DIXDC1: variants seen among roughly 807,000 people sequenced by gnomAD.
The protein encoded by DIXDC1 is dixin.
A neutral mutation model predicts 103.1 loss-of-function variants in DIXDC1; 64 were observed. The observed-to-expected ratio is 0.62, with a 90% CI of 0.51 to 0.76. The LOEUF (loss-of-function observed/expected upper bound fraction) is 0.76. DIXDC1 is among the 30% of genes least tolerant of loss of function. DIXDC1 has a pLI of 0.00. For missense variants in DIXDC1, 759 were observed against 834.2 expected (o/e 0.91, Z 1.11); for synonymous variants, 266 against 298.5 (o/e 0.89, Z 1.12).
chr11:112,015,150 G>A (rs1861547991), intron 17 of DIXDC1, among the ~76,000 whole-genome samples: 1 of 152,190 alleles, frequency 6.6e-6, no homozygotes, highest in Admixed American at 6.5e-5. Flanking sequence ...CTCCCAAAGT[G>A]CTAGGATTAC....
Position 111,964,583 on chromosome 11 carries a change from C to A in DIXDC1, c.95C>A (p.Ala32Glu), listed in dbSNP as rs114492987. 6.2e-7 allele frequency: 1 copy of A among 1,609,130 alleles called. No individual in the cohort carries two copies. The highest frequency in any genetic ancestry group is 1.7e-5 in the Admixed American group (1 of 59,174). Residue 32 changes from alanine to glutamate, a missense_variant, in exon 2 of 20, where the codon GCA (alanine) becomes GAA (glutamate). Ala to Glu is a moderately radical substitution (Grantham distance 107). Transcript: ENST00000440460. ...CAGGCCTATGTGGCCTGGGTGAATG[C>A]ACAGCTGAAGAAGAGGCCAGCAGTG... ...QLQAYVAWVN[A>E]QLKKRPAVKP...
Position 112,017,495 on chromosome 11 carries a change from G to GGACTTTATA in DIXDC1, c.1863-281_1863-273dup, listed in dbSNP as rs1861629938. 4.7e-6 allele frequency: 1 copy of GGACTTTATA among 214,442 alleles called. No homozygotes were observed. Among genetic ancestry groups the GGACTTTATA allele is most frequent in the Non-Finnish European group, 9.3e-6 (1 of 107,690 alleles). 13.3% of individuals were successfully genotyped at this position (214,442 alleles called of 1,614,324 possible). A position where few individuals can be genotyped will look rare whatever the true frequency, so the allele number is the denominator to read the frequency against. On this transcript the variant is annotated intron_variant, in intron 18 of 19. Coordinates refer to ENST00000440460, the MANE Select transcript of DIXDC1 (RefSeq NM_001037954.4). This position sits in a 1 kb window ranked among gnomAD's most constrained non-coding sequence, Gnocchi z 4.0. ...GGTTATTCAACAAATTTTATTTCAG[G>GGACTTTATA]GACTTTATATCTTATTTCCAGAGAA... is the stretch of plus-strand genomic sequence containing the variant.
intron 17 of DIXDC1, among the ~76,000 whole-genome samples, chr11:112,000,216 T>C (rs1861024268): frequency 6.6e-6 from 1 of 152,012 alleles, no homozygotes; most frequent in African/African-American, 2.4e-5. Flanking sequence ...CTTTTGTGTA[T>C]AAAAGAACAC....
Position 111,995,100 on chromosome 11 carries a change from A to G in DIXDC1, c.1519A>G (p.Asn507Asp). The G allele has an allele frequency of 1.2e-6, 2 of 1,613,638 alleles. No individual in the cohort carries two copies. Among genetic ancestry groups the G allele is most frequent in the South Asian group, 1.1e-5 (1 of 91,084 alleles). Reference protein sequence around the residue: ...TAGKGATSVSNRGTSDLQLVR... With the variant: ...TAGKGATSVSDRGTSDLQLVR... ...AGGAAAAGGAGCTACTTCAGTCAGCAACAGAGGGGTACGTACCTGGAGTTT... is the reference window on the plus strand; with the variant it reads ...AGGAAAAGGAGCTACTTCAGTCAGCGACAGAGGGGTACGTACCTGGAGTTT... Residue 507 changes from asparagine (N) to aspartate (D), a missense_variant, in exon 15 of 20, where the codon AAC (asparagine) becomes GAC (aspartate). This residue lies in a region of DIXDC1 where 657 missense variants were observed against 727.5 expected (regional missense o/e 0.90). Coordinates refer to ENST00000440460, the MANE Select transcript of DIXDC1 (RefSeq NM_001037954.4).
intron 17 of DIXDC1, among the ~76,000 whole-genome samples, chr11:112,012,366 A>G (rs1029108980): frequency 3.3e-5 from 5 of 152,224 alleles, no homozygotes; most frequent in African/African-American, 1.2e-4. Flanking sequence ...GTGAATTGGT[A>G]GATACATAGA....
intron 1 of DIXDC1, among the ~76,000 whole-genome samples, chr11:111,942,964 A>C (rs371530615): frequency 6.6e-6 from 1 of 152,298 alleles, no homozygotes; most frequent in African/African-American, 2.4e-5. Context: ...GAACACAAGC[A>C]CTGCGATACC....
intron 15 of DIXDC1, 97 bp downstream of exon 15, chr11:111,995,205 G>T (rs2137587431): frequency 7.2e-7 from 1 of 1,383,992 alleles, no homozygotes; most frequent in Non-Finnish European, 1.0e-6. Context: ...TTATATTCCA[G>T]TTCCCTAATT....
intron 1 of DIXDC1, 56 bp from the exon 2 acceptor site, chr11:111,964,493 G>T: frequency 6.4e-7 from 1 of 1,550,506 alleles, no homozygotes; most frequent in Admixed American, 2.0e-5. Flanking sequence ...AGGGTATGAG[G>T]TAAGGGTTGA....
At chr11:111,970,655 C>A (rs189043777) in intron 3 of DIXDC1, among the ~76,000 whole-genome samples, 1 of 144,720 alleles carries the variant, frequency 6.9e-6, no homozygotes, top group African/African-American at 2.5e-5. Context: ...GAGCGAAACT[C>A]TATCTCAAAA....
Position 112,013,108 on chromosome 11 carries a change from G to C in DIXDC1, c.1757-3583G>C, listed in dbSNP as rs587772091. ...CCAGCATGGCCAGGTTTTGGTGAGG[G>C]CTCCTTGCCTGGCTTGTAGAAGGCA... On this transcript the variant is annotated intron_variant, in intron 17 of 19. Coordinates refer to ENST00000440460, the MANE Select transcript of DIXDC1 (RefSeq NM_001037954.4). Among the ~76,000 whole-genome samples the C allele has an allele frequency of 2.6e-5, 4 of 152,236 alleles. No individual in the cohort carries two copies. In the South Asian group the frequency reaches 6.2e-4, roughly 24 times the overall value.
chr11:111,985,424 T>C (rs994684331), intron 8 of DIXDC1, 103 bp downstream of exon 8: 23 of 904,418 alleles, frequency 2.5e-5, no homozygotes, highest in Non-Finnish European at 3.4e-5. Flanking sequence ...CTGTCTTCCT[T>C]GACCAGTTCT....
At chr11:111,968,059 A>G (rs1230451401) in intron 2 of DIXDC1, among the ~76,000 whole-genome samples, 1 of 152,250 alleles carries the variant, frequency 6.6e-6, no homozygotes, top group Non-Finnish European at 1.5e-5. Flanking sequence ...TATCAGAGAG[A>G]CCATGATCAC....
upstream of DIXDC1, among the ~76,000 whole-genome samples, chr11:111,933,326 C>T (rs1966090481): frequency 6.6e-6 from 1 of 152,150 alleles, no homozygotes; most frequent in Admixed American, 6.5e-5. Flanking sequence ...GGGGGTTTCT[C>T]CATGTTGGTC....
chr11:112,009,527 T>C (rs971385506), intron 17 of DIXDC1, among the ~76,000 whole-genome samples: 1 of 152,280 alleles, frequency 6.6e-6, no homozygotes, highest in East Asian at 1.9e-4. Context: ...TTTAGACCAA[T>C]ATCCCTGATG....
chr11:111,932,683 C>T (rs782598168), upstream of DIXDC1, among the ~76,000 whole-genome samples: 6 of 152,028 alleles, frequency 3.9e-5, no homozygotes, highest in African/African-American at 9.7e-5. Context: ...ATTACTTTGG[C>T]GACATCCTAC....
At chr11:111,960,946 A>G (rs1331769737) in intron 1 of DIXDC1, among the ~76,000 whole-genome samples, 1 of 152,158 alleles carries the variant, frequency 6.6e-6, no homozygotes, top group Non-Finnish European at 1.5e-5. Flanking sequence ...TCTGGAGACA[A>G]CTGGTAGATT....
At chr11:111,996,432 C>A in intron 17 of DIXDC1, 1 of 246,482 alleles carries the variant, frequency 4.1e-6, no homozygotes, top group Non-Finnish European at 7.8e-6. Flanking sequence ...GCTGAAAAAG[C>A]AAAATATAAA....
intron 1 of DIXDC1, among the ~76,000 whole-genome samples, chr11:111,944,325 C>T (rs1169284911): frequency 2.0e-5 from 3 of 152,202 alleles, no homozygotes; most frequent in Admixed American, 6.5e-5. Context: ...CATAGAGTCG[C>T]CTCCTTGGCT....
chr11:111,933,854 A>T (rs1966115809), upstream of DIXDC1, among the ~76,000 whole-genome samples: 1 of 152,062 alleles, frequency 6.6e-6, no homozygotes, highest in Non-Finnish European at 1.5e-5. Context: ...TGAATTTCAC[A>T]CTTCTTATTT....
Sources: allele counts gnomAD v4.1 joint callset (sites outside exome capture counted in the v4.1 genomes callset), GRCh38; gene constraint gnomAD v4.1.1; regional missense constraint gnomAD v4.1.1; non-coding constraint Gnocchi (gnomAD v3.1); transcripts MANE v1.5; gene names NCBI Gene and HGNC (gene_info 2026-07-23, HGNC 2026-07-21).